SH3RF3: variants seen among roughly 807,000 people sequenced by gnomAD.
The protein encoded by SH3RF3 is E3 ubiquitin-protein ligase SH3RF3.
A neutral mutation model predicts 66.3 loss-of-function variants in SH3RF3; 29 were observed. The ratio of observed to expected loss-of-function variants is 0.44; its 90% confidence interval spans 0.33 to 0.60. The LOEUF is 0.60. SH3RF3 is among the 20% of genes least tolerant of loss of function. SH3RF3 has a pLI of 0.04. For missense variants in SH3RF3, 1,194 were observed against 1,190.9 expected (o/e 1.00, Z -0.04); for synonymous variants, 583 against 532.0 (o/e 1.10, Z -1.32).
At chr2:109,263,213 C>A (rs1396698776) in intron 1 of SH3RF3, among the ~76,000 whole-genome samples, 2 of 152,124 alleles carry the variant, frequency 1.3e-5, no homozygotes, top group Admixed American at 6.5e-5. Flanking sequence ...TTTATAATGA[C>A]CCGGCTGTCT....
At chr2:109,189,196 T>C (rs1678274783) in intron 1 of SH3RF3, among the ~76,000 whole-genome samples, 2 of 151,188 alleles carry the variant, frequency 1.3e-5, no homozygotes, top group South Asian at 4.2e-4. Context: ...CTGCTTCTGA[T>C]ACCCCCGAGA....
intron 8 of SH3RF3, among the ~76,000 whole-genome samples, chr2:109,463,460 T>C (rs1678260082): frequency 6.6e-6 from 1 of 152,176 alleles, no homozygotes; most frequent in African/African-American, 2.4e-5. Flanking sequence ...TGTGGAGAAG[T>C]GTGACTCCAG....
In SH3RF3 at chr2:109,439,966, G is replaced by A. The variant is rs868383104; in HGVS notation, c.1828+2820G>A. ...AAAATAGGAGGGGGATTGGGAGTAG[G>A]GCATATGGAAAGTTTTCAAGAGGAG... On this transcript the variant is annotated intron_variant, in intron 7 of 9. Transcript: ENST00000309415. 1.1e-4 allele frequency among the ~76,000 whole-genome samples: 17 copies of A among 152,270 alleles called. No homozygotes were observed. The South Asian group carries it at 2.3e-3, about 20-fold the overall frequency.
chr2:109,264,849 A>C (rs1187617191), intron 1 of SH3RF3, among the ~76,000 whole-genome samples: 1 of 152,084 alleles, frequency 6.6e-6, no homozygotes, highest in African/African-American at 2.4e-5. Context: ...GCTATTTTCC[A>C]CTTCCTGTTG....
intron 5 of SH3RF3, among the ~76,000 whole-genome samples, chr2:109,429,245 C>T (rs752880525): frequency 5.9e-5 from 9 of 152,130 alleles, no homozygotes; most frequent in Non-Finnish European, 8.8e-5. Flanking sequence ...CCACCCAACA[C>T]GAGCCGCATG....
At chr2:109,331,796 A>G (rs913500017) in intron 1 of SH3RF3, among the ~76,000 whole-genome samples, 9 of 152,216 alleles carry the variant, frequency 5.9e-5, no homozygotes, top group Non-Finnish European at 1.3e-4. Flanking sequence ...TAATATTAAG[A>G]TGATTTTTTA....
rs1412291998 is a variant in SH3RF3 at position 109,243,690 on chromosome 2, A to G, written c.574-103984A>G. On this transcript the variant is annotated intron_variant, in intron 1 of 9. Transcript: ENST00000309415. ...GCCAGGGAGGCAAAGGTCGGGGACAATCGCCTGGTACAGGGAGACTAAGGA... is the reference window on the plus strand; with the variant it reads ...GCCAGGGAGGCAAAGGTCGGGGACAGTCGCCTGGTACAGGGAGACTAAGGA... Among the ~76,000 whole-genome samples the G allele has an allele frequency of 3.9e-5, 6 of 152,192 alleles. No homozygotes were observed. In the East Asian group the frequency reaches 1.2e-3, roughly 29 times the overall value.
At chr2:109,358,248 A>C (rs1682991134) in intron 2 of SH3RF3, among the ~76,000 whole-genome samples, 1 of 152,148 alleles carries the variant, frequency 6.6e-6, no homozygotes. Context: ...TTTATCATTG[A>C]GTAATATGCC....
In SH3RF3 at chr2:109,206,490, CAAAAAA is replaced by C. The variant is rs36060217; in HGVS notation, c.573+76397_573+76402del. ...TGGGCGACAGAGTGAGACTCCGTCT[CAAAAAA>C]AAAAAAAAAAAAAAAAAAAGAATTA... On this transcript the variant is annotated intron_variant, in intron 1 of 9. Transcript: ENST00000309415. Among the ~76,000 whole-genome samples, 288 of 40,758 alleles carry C rather than the reference CAAAAAA, an allele frequency of 7.1e-3. 1 individual carries two copies. Among genetic ancestry groups the C allele is most frequent in the African/African-American group, 0.023 (231 of 10,074 alleles). 26.7% of individuals were successfully genotyped at this position (40,758 alleles called of 152,430 possible).
At chr2:109,383,767 G>A (rs931619643) in intron 3 of SH3RF3, among the ~76,000 whole-genome samples, 1 of 152,180 alleles carries the variant, frequency 6.6e-6, no homozygotes, top group Non-Finnish European at 1.5e-5. Flanking sequence ...CCTTGAAAGT[G>A]AGAGCAATTA....
intron 2 of SH3RF3, among the ~76,000 whole-genome samples, chr2:109,360,577 G>C (rs990587342): frequency 4.6e-5 from 7 of 152,178 alleles, no homozygotes; most frequent in African/African-American, 1.7e-4. Flanking sequence ...GAAAACATCT[G>C]AAGTCCAAAA....
chr2:109,438,852 C>T (rs2104593612), intron 7 of SH3RF3, among the ~76,000 whole-genome samples: 1 of 152,296 alleles, frequency 6.6e-6, no homozygotes, highest in African/African-American at 2.4e-5. Flanking sequence ...CAGGCAGGAC[C>T]AGGGGAGCAA....
At chr2:109,432,377 C>T in intron 5 of SH3RF3, 124 bp from the exon 6 acceptor site, 2 of 1,235,790 alleles carry the variant, frequency 1.6e-6, no homozygotes, top group Non-Finnish European at 2.3e-6. Flanking sequence ...GCAGAGCCCC[C>T]ATAGACTCTA....
Position 109,468,867 on chromosome 2 carries a change from A to G in SH3RF3, c.2148+19378A>G, listed in dbSNP as rs570291521. 6.0e-5 allele frequency among the ~76,000 whole-genome samples: 9 copies of G among 151,130 alleles called. No individual in the cohort carries two copies. The East Asian group carries it at 1.4e-3, about 23-fold the overall frequency. ...AGACTCTGTCTCAGAAAAAAAAAAA[A>G]AAAAAAAAAGTTAAATTCAGAGCTG... is the stretch of plus-strand genomic sequence containing the variant. On this transcript the variant is annotated intron_variant, in intron 8 of 9. Transcript: ENST00000309415.
At chr2:109,421,328 C>T (rs183486307) in intron 5 of SH3RF3, among the ~76,000 whole-genome samples, 38 of 152,366 alleles carry the variant, frequency 2.5e-4, no homozygotes, top group Admixed American at 2.4e-3. Context: ...TGCCTGTACA[C>T]AGGCTCTCAG....
At chr2:109,257,256 G>A (rs1292559281) in intron 1 of SH3RF3, among the ~76,000 whole-genome samples, 1 of 152,088 alleles carries the variant, frequency 6.6e-6, no homozygotes, top group African/African-American at 2.4e-5. Context: ...TGTTCGTTCT[G>A]TGGCCAGGAG....
rs114289675 is a variant in SH3RF3, at chr2:109,232,765, A to G, written c.573+102652A>G. On this transcript the variant is annotated intron_variant, in intron 1 of 9. Transcript: ENST00000309415. The stretch of plus-strand genomic sequence containing the variant: ...AGCTGTTTCTGGATATTCCCTGATG[A>G]TAATTAAAGGGTCCCCTAAACACAG... 9.0e-3 allele frequency among the ~76,000 whole-genome samples: 1,377 copies of G among 152,282 alleles called. 22 individuals are homozygous for G. The highest frequency in any genetic ancestry group is 0.031 in the African/African-American group (1,287 of 41,540).
intron 1 of SH3RF3, among the ~76,000 whole-genome samples, chr2:109,194,206 C>T (rs1678439282): frequency 6.6e-6 from 1 of 152,214 alleles, no homozygotes; most frequent in African/African-American, 2.4e-5. Context: ...CAGGCACTGC[C>T]CGTGCAGACC....
chr2:109,279,050 G>A (rs1029787718), intron 1 of SH3RF3, among the ~76,000 whole-genome samples: 7 of 152,164 alleles, frequency 4.6e-5, no homozygotes, highest in Non-Finnish European at 7.3e-5. Flanking sequence ...GGGTGATGGG[G>A]GAGCATGAAA....
Sources: allele counts gnomAD v4.1 joint callset (sites outside exome capture counted in the v4.1 genomes callset), GRCh38; gene constraint gnomAD v4.1.1; transcripts MANE v1.5; gene names NCBI Gene and HGNC (gene_info 2026-07-23, HGNC 2026-07-21).